AMMECR1: variants seen among roughly 807,000 people sequenced by gnomAD.
AMMECR1 encodes AMMECR nuclear protein 1, also known as nuclear protein AMMECR1.
A neutral mutation model predicts 22.5 loss-of-function variants in AMMECR1; 3 were observed. The ratio of observed to expected loss-of-function variants is 0.13; its 90% CI spans 0.06 to 0.35. The LOEUF (loss-of-function observed/expected upper bound fraction) is 0.35, where lower values mean the gene tolerates loss of function less well. Ranked by LOEUF, AMMECR1 falls within the 10% of genes least tolerant of loss-of-function variation. The probability of loss-of-function intolerance (pLI) is 1.00; values close to 1 mark genes in which losing one functional copy is unlikely to be tolerated. For synonymous variants in AMMECR1, 130 were observed against 116.7 expected, an observed-to-expected ratio of 1.11 and a Z score of -0.74; for missense variants, 235 against 278.7, an observed-to-expected ratio of 0.84 and a Z score of 1.12.
chrX:110,259,179 GAC>G (rs942339471), intron 2 of AMMECR1, among the ~76,000 whole-genome samples: 1 of 111,123 alleles, frequency 9.0e-6, no homozygotes, highest in Non-Finnish European at 1.9e-5. Context: ...AAACTCCCCT[GAC>G]ACACAACCCC....
Position 110,234,063 on chromosome X carries a change from G to T in AMMECR1, c.585-17431C>A, listed in dbSNP as rs181496804. 4.6e-3 allele frequency among the ~76,000 whole-genome samples: 513 copies of T among 112,131 alleles called. 3 individuals are homozygous for T. Among genetic ancestry groups the T allele is most frequent in the African/African-American group, 0.016 (499 of 30,835 alleles). On this transcript the variant is annotated intron_variant, in intron 2 of 5. Coordinates refer to ENST00000262844, the MANE Select transcript of AMMECR1 (RefSeq NM_015365.3). ...GTCCCTGTTTGCAGATGACATGGTT[G>T]TATATTTAGAAAACCCCACTGTCTC...
chrX:110,399,462 C>T (rs914815283), intron 2 of AMMECR1, among the ~76,000 whole-genome samples: 1 of 112,268 alleles, frequency 8.9e-6, no homozygotes, highest in Non-Finnish European at 1.9e-5. Context: ...GGTCCCACTG[C>T]TTTGATTAAG....
chrX:110,256,311 T>C (rs2067710832), intron 2 of AMMECR1, among the ~76,000 whole-genome samples: 1 of 112,112 alleles, frequency 8.9e-6, no homozygotes, highest in Admixed American at 9.5e-5. Flanking sequence ...CTGTTGTATA[T>C]GCAGTCCACT....
At chrX:110,406,589 C>A (rs1569423414) in intron 2 of AMMECR1, among the ~76,000 whole-genome samples, 1 of 111,981 alleles carries the variant, frequency 8.9e-6, no homozygotes, top group Non-Finnish European at 1.9e-5. Flanking sequence ...GTCTTTATAG[C>A]AGCATGATTT....
chrX:110,259,128 A>G lies in AMMECR1; in HGVS notation c.584+5361T>C, dbSNP rs188320021. On this transcript the variant is annotated intron_variant, in intron 2 of 5. Transcript: ENST00000262844. ...TTCAGTATCTCAAAAAATCTAATGG[A>G]AAGTGAATATTTGTACCATGCAAGC... 1.9e-3 allele frequency among the ~76,000 whole-genome samples: 213 copies of G among 111,568 alleles called. 1 individual carries two copies. Among genetic ancestry groups the G allele is most frequent in the African/African-American group, 6.7e-3 (205 of 30,652 alleles).
chrX:110,347,904 T>C (rs1341180915), intron 2 of AMMECR1, among the ~76,000 whole-genome samples: 1 of 112,656 alleles, frequency 8.9e-6, no homozygotes, highest in Non-Finnish European at 1.9e-5. Context: ...ACACTTCTGA[T>C]CTTTGTGAAT....
intron 2 of AMMECR1, among the ~76,000 whole-genome samples, chrX:110,324,277 G>A (rs900090623): frequency 1.8e-5 from 2 of 111,576 alleles, no homozygotes; most frequent in Admixed American, 9.5e-5. Context: ...GATTACAGGC[G>A]TGAGCCACCA....
intron 2 of AMMECR1, among the ~76,000 whole-genome samples, chrX:110,408,402 C>G (rs1392393330): frequency 8.9e-6 from 1 of 112,505 alleles, no homozygotes; most frequent in Non-Finnish European, 1.9e-5. Context: ...GCTAGATGTT[C>G]TCCAACGCCC....
In AMMECR1 at chrX:110,356,176, A is replaced by C. The variant is rs776956049; in HGVS notation, c.-147-38327T>G. On this transcript the variant is annotated intron_variant, in intron 2 of 7. Coordinates refer to the AMMECR1 transcript ENST00000372057. ...TTTTTTTTTTTTTTTTTTTTGAGAC[A>C]GAGTCCTACTCTGTTGCCCAGGCTG... Among the ~76,000 whole-genome samples, 8 of 98,865 alleles carry C rather than the reference A, an allele frequency of 8.1e-5. No individual in the cohort carries two copies. In the South Asian group the frequency reaches 4.1e-3, roughly 51 times the overall value. 85.9% of individuals were successfully genotyped at this position (98,865 alleles called of 115,157 possible). A position where few individuals can be genotyped will look rare whatever the true frequency, so the allele number is the denominator to read the frequency against.
At chrX:110,381,543 A>G in intron 2 of AMMECR1, among the ~76,000 whole-genome samples, 1 of 112,087 alleles carries the variant, frequency 8.9e-6, no homozygotes, top group Non-Finnish European at 1.9e-5. Context: ...AAATAGAAAT[A>G]CCATTTGATC....
chrX:110,308,245 G>T (rs1325202980), intron 1 of AMMECR1, among the ~76,000 whole-genome samples: 8 of 111,550 alleles, frequency 7.2e-5, no homozygotes, highest in Non-Finnish European at 1.5e-4. Flanking sequence ...AAGTTTTTAT[G>T]ATGTAAAACA....
At chrX:110,392,208 G>T (rs2068498585) in intron 2 of AMMECR1, among the ~76,000 whole-genome samples, 1 of 110,639 alleles carries the variant, frequency 9.0e-6, no homozygotes, top group African/African-American at 3.3e-5. Flanking sequence ...AATGTACATG[G>T]GAGAAAATGG....
chrX:110,406,112 T>C (rs1425735368), intron 2 of AMMECR1, among the ~76,000 whole-genome samples: 1 of 109,650 alleles, frequency 9.1e-6, no homozygotes, highest in Admixed American at 9.7e-5. Flanking sequence ...TTCTGGAAAG[T>C]GGTTTTTTTT....
intron 3 of AMMECR1, among the ~76,000 whole-genome samples, chrX:110,204,299 C>T (rs375802559): frequency 3.6e-5 from 4 of 111,246 alleles, no homozygotes; most frequent in Admixed American, 9.6e-5. Context: ...GAATCTTCAA[C>T]TCTATTTATC....
chrX:110,370,310 G>A (rs1030291899), intron 2 of AMMECR1, among the ~76,000 whole-genome samples: 2 of 111,815 alleles, frequency 1.8e-5, no homozygotes, highest in East Asian at 2.8e-4. Flanking sequence ...CCAGGTTCAA[G>A]CAATTGTCCT....
At chrX:110,415,821 G>T (rs1270575827) in intron 2 of AMMECR1, among the ~76,000 whole-genome samples, 2 of 111,265 alleles carry the variant, frequency 1.8e-5, no homozygotes, top group Non-Finnish European at 3.8e-5. Context: ...TGGGAGTCAG[G>T]TTTGCTGAGT....
intron 2 of AMMECR1, among the ~76,000 whole-genome samples, chrX:110,245,325 T>G (rs1207693155): frequency 8.9e-6 from 1 of 112,411 alleles, no homozygotes; most frequent in African/African-American, 3.2e-5. Flanking sequence ...ATACCAGATG[T>G]TTTGTTGAAA....
intron 2 of AMMECR1, among the ~76,000 whole-genome samples, chrX:110,327,275 G>A (rs904244434): frequency 1.8e-5 from 2 of 111,613 alleles, no homozygotes; most frequent in African/African-American, 6.5e-5. Flanking sequence ...AGAAAACCAG[G>A]ATTGAGTCCT....
intron 2 of AMMECR1, among the ~76,000 whole-genome samples, chrX:110,240,011 A>C (rs922038287): frequency 9.0e-6 from 1 of 111,687 alleles, no homozygotes; most frequent in African/African-American, 3.3e-5. Context: ...AAATGCTGAG[A>C]GATTTTGTCA....
Sources: gnomAD v4.1 joint callset for allele counts (sites outside exome capture counted in the v4.1 genomes callset) on GRCh38, gnomAD v4.1.1 for gene constraint, MANE v1.5 for transcripts, NCBI Gene and HGNC (gene_info 2026-07-23, HGNC 2026-07-21) for gene names.